NRG3: variants seen among roughly 807,000 people sequenced by gnomAD.
The protein encoded by NRG3 is neuregulin 3.
A neutral mutation model predicts 66.9 loss-of-function variants in NRG3; 31 were observed. That is an observed-to-expected ratio of 0.46 (90% CI 0.35 to 0.63). NRG3 has a LOEUF of 0.63. Among genes scored for constraint, NRG3 ranks in the 20% least tolerant of loss-of-function variants. The pLI is 0.00. For missense variants in NRG3, 910 were observed against 878.9 expected (o/e 1.04, Z -0.45); for synonymous variants, 393 against 359.4 (o/e 1.09, Z -1.06).
At chr10:82,601,286 T>G (rs866205895) in intron 2 of NRG3, among the ~76,000 whole-genome samples, 1 of 152,214 alleles carries the variant, frequency 6.6e-6, no homozygotes, top group Non-Finnish European at 1.5e-5. Context: ...GTAAAATGAT[T>G]TAGTTAACAT....
rs192150926 is a variant in NRG3 at position 81,920,779 on chromosome 10, C to T, written c.823+44616C>T. On this transcript the variant is annotated intron_variant, in intron 1 of 8. Transcript: ENST00000372141. ...ACATTTTTCTAATTCATCTTATTCA[C>T]TTAATGTTTTGTGAACATTTTTCCT... Among the ~76,000 whole-genome samples the T allele has an allele frequency of 1.5e-3, 227 of 152,264 alleles. 2 individuals carry two copies. The highest frequency in any genetic ancestry group is 2.5e-3 in the Non-Finnish European group (173 of 67,996).
intron 3 of NRG3, among the ~76,000 whole-genome samples, chr10:82,762,958 T>G (rs1204870179): frequency 6.6e-6 from 1 of 152,202 alleles, no homozygotes; most frequent in East Asian, 1.9e-4. Context: ...TTTAAAATGA[T>G]GCATCCAAAA....
chr10:81,907,456 G>A (rs1844704921), intron 1 of NRG3, among the ~76,000 whole-genome samples: 1 of 152,102 alleles, frequency 6.6e-6, no homozygotes, highest in African/African-American at 2.4e-5. Context: ...TTTCAGAGTA[G>A]CACACACCTT....
At chr10:81,919,674 T>C (rs1194689684) in intron 1 of NRG3, among the ~76,000 whole-genome samples, 10 of 151,994 alleles carry the variant, frequency 6.6e-5, no homozygotes, top group Admixed American at 5.2e-4. Context: ...CCCCCAAAAA[T>C]TATTGAGGGA....
At chr10:82,014,271 C>T (rs2061696315) in intron 1 of NRG3, among the ~76,000 whole-genome samples, 1 of 152,132 alleles carries the variant, frequency 6.6e-6, no homozygotes, top group African/African-American at 2.4e-5. Flanking sequence ...GTAAACTCCT[C>T]AACATTTCTG....
At chr10:82,762,064 C>A (rs1230974723) in intron 3 of NRG3, among the ~76,000 whole-genome samples, 1 of 131,344 alleles carries the variant, frequency 7.6e-6, no homozygotes, top group African/African-American at 2.8e-5. Context: ...TTCTTTCTTT[C>A]TTTTTTTTTG....
At chr10:82,382,461 C>A (rs1301421399) in intron 2 of NRG3, among the ~76,000 whole-genome samples, 1 of 151,820 alleles carries the variant, frequency 6.6e-6, no homozygotes, top group Admixed American at 6.6e-5. Flanking sequence ...AAAGGAAAGG[C>A]ACAAATTTTT....
chr10:82,377,556 G>A (rs1317704868), intron 2 of NRG3, among the ~76,000 whole-genome samples: 6 of 152,090 alleles, frequency 3.9e-5, no homozygotes, highest in South Asian at 4.2e-4. Context: ...ACTCTAAACC[G>A]TGTCCTTCCA....
intron 2 of NRG3, among the ~76,000 whole-genome samples, chr10:82,707,395 C>G (rs2056373282): frequency 6.6e-6 from 1 of 151,768 alleles, no homozygotes; most frequent in South Asian, 2.1e-4. Context: ...GGGTCTTGCT[C>G]TCTTTCCCAG....
intron 4 of NRG3, among the ~76,000 whole-genome samples, chr10:82,949,002 A>G (rs1849277482): frequency 2.0e-5 from 3 of 152,144 alleles, no homozygotes; most frequent in Admixed American, 2.0e-4. Context: ...AGGGAAAAAA[A>G]CATTCTTTCA....
chr10:81,998,827 C>T (rs1043760319), intron 1 of NRG3, among the ~76,000 whole-genome samples: 2 of 152,094 alleles, frequency 1.3e-5, no homozygotes, highest in East Asian at 3.9e-4. Context: ...AAAAACATAG[C>T]ATGAAAACTT....
intron 1 of NRG3, among the ~76,000 whole-genome samples, chr10:82,266,317 G>A (rs924339818): frequency 6.6e-6 from 1 of 152,078 alleles, no homozygotes; most frequent in African/African-American, 2.4e-5. Flanking sequence ...CATTTTGAAA[G>A]GTAAAGCGGA....
At chr10:82,569,429 G>A (rs1221277681) in intron 2 of NRG3, among the ~76,000 whole-genome samples, 1 of 151,616 alleles carries the variant, frequency 6.6e-6, no homozygotes, top group Non-Finnish European at 1.5e-5. Flanking sequence ...TTCCCCTTCT[G>A]TCTTACAATA....
At chr10:82,745,182 G>A (rs989102720) in intron 3 of NRG3, among the ~76,000 whole-genome samples, 21 of 152,188 alleles carry the variant, frequency 1.4e-4, no homozygotes, top group African/African-American at 5.1e-4. Context: ...AGAGAAGATT[G>A]CAGTGAGCTA....
At chr10:82,539,210 G>A (rs2043362730) in intron 2 of NRG3, among the ~76,000 whole-genome samples, 1 of 152,176 alleles carries the variant, frequency 6.6e-6, no homozygotes. Flanking sequence ...AACACTCCCG[G>A]TAATGAAGAA....
At chr10:82,375,208 G>T (rs1437980712) in intron 2 of NRG3, among the ~76,000 whole-genome samples, 1 of 152,130 alleles carries the variant, frequency 6.6e-6, no homozygotes, top group African/African-American at 2.4e-5. Flanking sequence ...CAGGACTTAA[G>T]TTCATCTAGG....
rs138136076 is a variant in NRG3 at position 82,542,497 on chromosome 10, C to T, written c.953+183629C>T. Among the ~76,000 whole-genome samples, 636 of 152,234 alleles carry T rather than the reference C, an allele frequency of 4.2e-3. 5 individuals carry two copies. The highest frequency in any genetic ancestry group is 0.014 in the African/African-American group (600 of 41,542). ...GAACAAATCAAATGGTAAGGAATCA[C>T]ATATTTACATCATTTCAAGGTAATA... is the stretch of plus-strand genomic sequence containing the variant. On this transcript the variant is annotated intron_variant, in intron 2 of 8. Coordinates refer to ENST00000372141, the MANE Select transcript of NRG3 (RefSeq NM_001010848.4).
At chr10:82,682,414 T>C (rs532746606) in intron 2 of NRG3, among the ~76,000 whole-genome samples, 7 of 151,978 alleles carry the variant, frequency 4.6e-5, no homozygotes, top group Admixed American at 6.6e-5. Flanking sequence ...GATAGATAGA[T>C]AGATAGATAG....
intron 2 of NRG3, among the ~76,000 whole-genome samples, chr10:82,704,234 A>AAC (rs892897754): frequency 2.0e-5 from 3 of 151,858 alleles, no homozygotes; most frequent in Admixed American, 6.6e-5. Context: ...CACCAACCAC[A>AAC]ACACACACAC....
Sources: gnomAD v4.1 joint callset for allele counts (sites outside exome capture counted in the v4.1 genomes callset) on GRCh38, gnomAD v4.1.1 for gene constraint, MANE v1.5 for transcripts, NCBI Gene and HGNC (gene_info 2026-07-23, HGNC 2026-07-21) for gene names.